PPP2R2B: variants seen among roughly 807,000 people sequenced by gnomAD.
PPP2R2B encodes serine/threonine-protein phosphatase 2A 55 kDa regulatory subunit B beta isoform.
A neutral mutation model predicts 46.0 loss-of-function variants in PPP2R2B; 5 were observed. That is an observed-to-expected ratio of 0.11 (90% CI 0.06 to 0.23). PPP2R2B has a LOEUF of 0.23. PPP2R2B is among the 10% of genes least tolerant of loss of function. The pLI, the probability that PPP2R2B is intolerant of heterozygous loss-of-function variation, is 1.00. For missense variants in PPP2R2B, 367 were observed against 575.0 expected (o/e 0.64, Z 3.70); for synonymous variants, 215 against 206.7 (o/e 1.04, Z -0.34).
At chr5:146,947,110 GA>G (rs1478804354) in intron 1 of PPP2R2B, among the ~76,000 whole-genome samples, 18 of 152,090 alleles carry the variant, frequency 1.2e-4, no homozygotes, top group African/African-American at 4.3e-4. Flanking sequence ...AACGTTTAGG[GA>G]AAAATTCCAT....
chr5:147,018,699 A>G (rs937022605), intron 1 of PPP2R2B, among the ~76,000 whole-genome samples: 1 of 152,134 alleles, frequency 6.6e-6, no homozygotes, highest in African/African-American at 2.4e-5. Context: ...TTCATTTGTC[A>G]TGGGACCCCT....
In PPP2R2B at chr5:147,041,518, T is replaced by C. The variant is rs189292110; in HGVS notation, c.79+14147A>G. Among the ~76,000 whole-genome samples, 423 of 152,224 alleles carry C rather than the reference T, an allele frequency of 2.8e-3. 3 individuals are homozygous for C. Among genetic ancestry groups the C allele is most frequent in the African/African-American group, 9.4e-3 (389 of 41,550 alleles). ...GAGTTTCCATACCCTGAACTAGACA[T>C]GGAAGGAGGGAGGAGACTACGCAAA... On this transcript the variant is annotated intron_variant, in intron 1 of 8. Coordinates refer to the PPP2R2B transcript ENST00000336640.
At chr5:146,607,048 C>T (rs1457210655) in intron 7 of PPP2R2B, 1 of 152,194 alleles carries the variant, frequency 6.6e-6, no homozygotes, top group African/African-American at 2.4e-5. Flanking sequence ...TGGCAATTTT[C>T]CTACAGAGTG....
At chr5:146,741,985 C>T (rs1752902019) in intron 2 of PPP2R2B, among the ~76,000 whole-genome samples, 1 of 152,094 alleles carries the variant, frequency 6.6e-6, no homozygotes, top group African/African-American at 2.4e-5. Context: ...TTGGGATTTT[C>T]TTAATCGAGC....
At chr5:146,736,770 T>C (rs1752563306) in intron 2 of PPP2R2B, among the ~76,000 whole-genome samples, 1 of 152,232 alleles carries the variant, frequency 6.6e-6, no homozygotes, top group Non-Finnish European at 1.5e-5. Context: ...AAAAGCAGGA[T>C]TGCAGCTTTG....
In PPP2R2B at chr5:146,617,839, C is replaced by T. The variant is rs150334024; in HGVS notation, c.791-17379G>A. 3.5e-3 allele frequency among the ~76,000 whole-genome samples: 532 copies of T among 152,076 alleles called. 9 individuals carry two copies. Among genetic ancestry groups the T allele is most frequent in the East Asian group, 0.031 (160 of 5,154 alleles). ...CCTCCCCAGTAGCTGGGATTACAGA[C>T]GTGTGCCACCACGCCCAGCTAATTT... On this transcript the variant is annotated intron_variant, in intron 7 of 9. Transcript: ENST00000394411.
At chr5:146,970,146 C>T (rs1752600579) in intron 1 of PPP2R2B, among the ~76,000 whole-genome samples, 1 of 152,108 alleles carries the variant, frequency 6.6e-6, no homozygotes, top group Non-Finnish European at 1.5e-5. Flanking sequence ...CTTATTATTC[C>T]CATTTTGCAG....
At chr5:147,021,231 C>T (rs552543966) in intron 1 of PPP2R2B, among the ~76,000 whole-genome samples, 3 of 152,258 alleles carry the variant, frequency 2.0e-5, no homozygotes, top group African/African-American at 7.2e-5. Context: ...CTTAATTGCT[C>T]TTTCAGTTTG....
intron 7 of PPP2R2B, among the ~76,000 whole-genome samples, chr5:146,622,803 T>C (rs951953930): frequency 6.6e-6 from 1 of 152,236 alleles, no homozygotes; most frequent in Non-Finnish European, 1.5e-5. Context: ...CAGAGCACCA[T>C]AAAATATTGT....
intron 5 of PPP2R2B, among the ~76,000 whole-genome samples, chr5:146,658,322 C>T (rs374925523): frequency 1.3e-4 from 20 of 152,278 alleles, no homozygotes; most frequent in Admixed American, 3.9e-4. Flanking sequence ...TTCCAGATTC[C>T]GGCCTCGCTT....
chr5:147,057,454 A>G (rs368838897), upstream of PPP2R2B, among the ~76,000 whole-genome samples: 174 of 152,324 alleles, frequency 1.1e-3, no homozygotes, highest in African/African-American at 4.1e-3. Context: ...GTGAGGGAGT[A>G]GAAGGAGTGT....
At chr5:146,707,138 G>A (rs1453377242) in intron 2 of PPP2R2B, 1 of 1,596,876 alleles carries the variant, frequency 6.3e-7, no homozygotes, top group African/African-American at 1.3e-5. Flanking sequence ...TCCAGCTTCA[G>A]CTTCTCCTGG....
chr5:146,728,170 A>C (rs1009940241), intron 2 of PPP2R2B, among the ~76,000 whole-genome samples: 1 of 129,352 alleles, frequency 7.7e-6, no homozygotes, highest in Admixed American at 8.7e-5. Flanking sequence ...TTTCAGATGC[A>C]ATGATTTCCC....
chr5:146,706,307 G>A (rs1013237534), intron 2 of PPP2R2B: 5 of 544,112 alleles, frequency 9.2e-6, no homozygotes, highest in Non-Finnish European at 1.7e-5. Context: ...GAAGGAGCTG[G>A]AACCTGCGCC....
chr5:146,861,289 C>T (rs530728807), intron 2 of PPP2R2B, among the ~76,000 whole-genome samples: 116 of 152,060 alleles, frequency 7.6e-4, no homozygotes, highest in African/African-American at 2.0e-3. Flanking sequence ...ATCTCCTGAC[C>T]TCATGATCCG....
At chr5:146,951,976 T>TTA (rs1751634250) in intron 1 of PPP2R2B, among the ~76,000 whole-genome samples, 1 of 140,764 alleles carries the variant, frequency 7.1e-6, no homozygotes, top group Non-Finnish European at 1.5e-5. Flanking sequence ...CATAGAATCT[T>TTA]TTTTTTTTTT....
At chr5:146,846,629 G>A (rs1224163980) in intron 2 of PPP2R2B, among the ~76,000 whole-genome samples, 1 of 151,958 alleles carries the variant, frequency 6.6e-6, no homozygotes, top group Non-Finnish European at 1.5e-5. Context: ...AGTGAGCCTA[G>A]ATCTTGCCAC....
At position 146,646,410 on chromosome 5, in the gene PPP2R2B, C is replaced by T. The variant is rs996855081; in HGVS notation, c.625+4137G>A. On this transcript the variant is annotated intron_variant, in intron 6 of 9. Transcript: ENST00000394411. ...TATTGTCTCTTGCCCTAGAAAACTA[C>T]TAATCTATTAATGAGTTGTTATAGT... Among the ~76,000 whole-genome samples, 3 of 152,294 alleles carry T rather than the reference C, an allele frequency of 2.0e-5. No individual in the cohort carries two copies. In the East Asian group the frequency reaches 5.8e-4, roughly 29 times the overall value.
At chr5:146,651,178 A>G (rs1234078234) in intron 5 of PPP2R2B, among the ~76,000 whole-genome samples, 1 of 152,144 alleles carries the variant, frequency 6.6e-6, no homozygotes, top group African/African-American at 2.4e-5. Context: ...TTTGGAAGCT[A>G]TACCCCTTCC....
Sources: allele counts gnomAD v4.1 joint callset (sites outside exome capture counted in the v4.1 genomes callset), GRCh38; gene constraint gnomAD v4.1.1; transcripts MANE v1.5; gene names NCBI Gene and HGNC (gene_info 2026-07-23, HGNC 2026-07-21).